Variants in PLXDC1 observed in about 807,000 individuals in gnomAD.
The protein encoded by PLXDC1 is plexin domain containing 1.
PLXDC1 carries 39 observed loss-of-function variants against 61.3 expected under a neutral mutation model. That is an observed-to-expected ratio of 0.64 (90% confidence interval 0.49 to 0.83). The LOEUF (loss-of-function observed/expected upper bound fraction) is 0.83, where lower values mean the gene tolerates loss of function less well. Among genes scored for constraint, PLXDC1 ranks in the 40% least tolerant of loss-of-function variants. The probability of loss-of-function intolerance (pLI) is 0.00; values close to 1 mark genes in which losing one functional copy is unlikely to be tolerated. For missense variants in PLXDC1, 596 were observed against 666.5 expected (o/e 0.89, Z 1.17); for synonymous variants, 212 against 254.5 (o/e 0.83, Z 1.59).
chr17:39,069,200 G>A (rs1179804868), intron 13 of PLXDC1, among the ~76,000 whole-genome samples: 1 of 152,094 alleles, frequency 6.6e-6, no homozygotes, highest in Non-Finnish European at 1.5e-5. Flanking sequence ...CAAACCACTG[G>A]GCTCAAGGGA....
At chr17:39,140,688 G>A (rs1285206485) in intron 1 of PLXDC1, among the ~76,000 whole-genome samples, 1 of 152,210 alleles carries the variant, frequency 6.6e-6, no homozygotes, top group East Asian at 1.9e-4. Context: ...CATTGCCGTT[G>A]AGCCTTCCAA....
Position 39,099,095 on chromosome 17 carries a change from C to G in PLXDC1, c.811+6759G>C, listed in dbSNP as rs116155804. On this transcript the variant is annotated intron_variant, in intron 7 of 13. Transcript: ENST00000315392. The stretch of plus-strand genomic sequence containing the variant: ...TCTGGGGGTCAGGTGCTGGCTTTCA[C>G]CTGGCAGGTAGACCCAACACCTCAG... Among the ~76,000 whole-genome samples, 620 of 152,140 alleles carry G rather than the reference C, an allele frequency of 4.1e-3. 5 individuals carry two copies. The highest frequency in any genetic ancestry group is 0.014 in the African/African-American group (574 of 41,470).
intron 1 of PLXDC1, among the ~76,000 whole-genome samples, chr17:39,143,235 C>T (rs1465594991): frequency 6.6e-6 from 1 of 152,198 alleles, no homozygotes; most frequent in Non-Finnish European, 1.5e-5. Flanking sequence ...CTAATGGTCA[C>T]ACCTACTATG....
At position 39,151,506 on chromosome 17, in the gene PLXDC1, C is replaced by G; in HGVS notation, c.-69G>C. ...CCTGACGAGGGAGGGGGCCCTGGCTCAGGCTGCGGCCGCGCGGTCCCCGGG... is the reference window on the plus strand; with the variant it reads ...CCTGACGAGGGAGGGGGCCCTGGCTGAGGCTGCGGCCGCGCGGTCCCCGGG... On this transcript the variant is annotated 5_prime_UTR_variant, in exon 1 of 14. Transcript: ENST00000315392. The surrounding 1 kb of genome is among the most constrained non-coding windows in gnomAD (Gnocchi z 5.2). 1 of 1,227,776 alleles carries G rather than the reference C, an allele frequency of 8.1e-7. No individual in the cohort carries two copies. The highest frequency in any genetic ancestry group is 3.0e-4 in the Middle Eastern group (1 of 3,332). 76.1% of individuals were successfully genotyped at this position (1,227,776 alleles called of 1,614,324 possible).
rs113083788 is a variant in PLXDC1, at chr17:39,076,091, GAA to G, written c.1186+1820_1186+1821del. Among the ~76,000 whole-genome samples the G allele has an allele frequency of 1.2e-3, 105 of 88,624 alleles. 1 individual carries two copies. Among genetic ancestry groups the G allele is most frequent in the Non-Finnish European group, 1.7e-3 (70 of 41,746 alleles). The allele number at this position is 88,624 out of a possible 152,430, so 58.1% of individuals were successfully genotyped here. On this transcript the variant is annotated intron_variant, in intron 11 of 13. Coordinates refer to ENST00000315392, the MANE Select transcript of PLXDC1 (RefSeq NM_020405.5). ...GGACTAAGTCTGAAAAAAAAAAAAAGAAAAAAAAAAAAAGAAAGAAAAAAGAA... is the reference window on the plus strand; with the variant it reads ...GGACTAAGTCTGAAAAAAAAAAAAAGAAAAAAAAAAAGAAAGAAAAAAGAA...
chr17:39,086,859 C>CAAAAAAAAAAAAAAAAAAAA (rs765774886), intron 8 of PLXDC1, among the ~76,000 whole-genome samples: 3 of 71,518 alleles, frequency 4.2e-5, no homozygotes, highest in African/African-American at 5.7e-5. Flanking sequence ...GAGACTGTCT[C>CAAAAAAAAAAAAAAAAAAAA]AAAAAAAAAA....
intron 12 of PLXDC1, among the ~76,000 whole-genome samples, chr17:39,071,186 CAG>C (rs1909102870): frequency 6.6e-6 from 1 of 152,164 alleles, no homozygotes; most frequent in Admixed American, 6.5e-5. Context: ...ATGGAAATAA[CAG>C]AGAGGTTAAG....
At position 39,141,340 on chromosome 17, in the gene PLXDC1, A is replaced by G. The variant is rs114731689; in HGVS notation, c.77-1508T>C. On this transcript the variant is annotated intron_variant, in intron 1 of 13. Transcript: ENST00000315392. The stretch of plus-strand genomic sequence containing the variant: ...GAGCCACAGCGCGCAGCCTGTATCT[A>G]TGATTTTGACTACTCTAAGTATCTC... 6.0e-3 allele frequency among the ~76,000 whole-genome samples: 920 copies of G among 152,332 alleles called. 14 individuals are homozygous for G. Among genetic ancestry groups the G allele is most frequent in the African/African-American group, 0.021 (867 of 41,570 alleles).
In PLXDC1 at chr17:39,107,172, G is replaced by C. The variant is rs75707994; in HGVS notation, c.711+235C>G. 2.8e-3 allele frequency among the ~76,000 whole-genome samples: 421 copies of C among 152,284 alleles called. 2 individuals carry two copies. The highest frequency in any genetic ancestry group is 9.9e-3 in the African/African-American group (411 of 41,560). On this transcript the variant is annotated intron_variant, in intron 6 of 13. Transcript: ENST00000315392. ...CTGTGAAAGGCTCAGCTAGCACCAGGCACCTCTACTTGGGAGCGCTTGTCA... is the reference window on the plus strand; with the variant it reads ...CTGTGAAAGGCTCAGCTAGCACCAGCCACCTCTACTTGGGAGCGCTTGTCA...
At chr17:39,086,251 A>G (rs910051987) in intron 8 of PLXDC1, among the ~76,000 whole-genome samples, 1 of 152,006 alleles carries the variant, frequency 6.6e-6, no homozygotes, top group Non-Finnish European at 1.5e-5. Flanking sequence ...CCCGATGGAG[A>G]GTGATAGGGT....
chr17:39,074,241 A>G (rs1909238247), intron 11 of PLXDC1, among the ~76,000 whole-genome samples: 2 of 152,108 alleles, frequency 1.3e-5, no homozygotes, highest in African/African-American at 2.4e-5. Context: ...ACCAGGCACA[A>G]TGGCATGTAC....
Position 39,120,255 on chromosome 17 carries a change from G to A in PLXDC1, c.256-10864C>T, listed in dbSNP as rs531736104. On this transcript the variant is annotated intron_variant, in intron 2 of 13. Coordinates refer to ENST00000315392, the MANE Select transcript of PLXDC1 (RefSeq NM_020405.5). ...CAACCTCTGCCTCCCAGGTTCAAGC[G>A]ACTCTCCTGCCTCAGCCTCCCAAGT... is the stretch of plus-strand genomic sequence containing the variant. Among the ~76,000 whole-genome samples, 6 of 152,138 alleles carry A rather than the reference G, an allele frequency of 3.9e-5. No individual in the cohort carries two copies. In the South Asian group the frequency reaches 6.2e-4, roughly 16 times the overall value.
intron 2 of PLXDC1, among the ~76,000 whole-genome samples, chr17:39,109,909 G>A (rs532447426): frequency 6.8e-4 from 103 of 152,190 alleles, no homozygotes; most frequent in Non-Finnish European, 1.3e-3. Context: ...TTGGGAGGCC[G>A]AGGCGGGCGG....
intron 2 of PLXDC1, among the ~76,000 whole-genome samples, chr17:39,122,205 C>A (rs1173409922): frequency 3.3e-5 from 5 of 150,814 alleles, no homozygotes. Flanking sequence ...GAGTTTGAGA[C>A]CAGCCGGGCC....
At chr17:39,088,977 A>AAAAG (rs71352342) in intron 7 of PLXDC1, among the ~76,000 whole-genome samples, 14 of 124,274 alleles carry the variant, frequency 1.1e-4, no homozygotes, top group African/African-American at 2.3e-4. Flanking sequence ...GAGAGAGAGA[A>AAAAG]AAAGAAAGAA....
At chr17:39,098,020 A>G (rs962783479) in intron 7 of PLXDC1, among the ~76,000 whole-genome samples, 1 of 151,768 alleles carries the variant, frequency 6.6e-6, no homozygotes, top group Non-Finnish European at 1.5e-5. Flanking sequence ...CCTGGCCAAC[A>G]TGGTGAAACC....
At chr17:39,134,247 C>A (rs1340708611) in intron 2 of PLXDC1, among the ~76,000 whole-genome samples, 1 of 150,280 alleles carries the variant, frequency 6.7e-6, no homozygotes, top group Admixed American at 6.6e-5. Flanking sequence ...GAGCAAGACT[C>A]CGTCTCAAAA....
In PLXDC1 at chr17:39,129,629, AAAAGAAAG is replaced by A. The variant is rs1221717406; in HGVS notation, c.255+10017_255+10024del. Among the ~76,000 whole-genome samples the A allele has an allele frequency of 4.9e-3, 561 of 114,322 alleles. 3 individuals carry two copies. The highest frequency in any genetic ancestry group is 0.019 in the African/African-American group (525 of 27,444). The allele number at this position is 114,322 out of a possible 152,430, so 75.0% of individuals were successfully genotyped here. On this transcript the variant is annotated intron_variant, in intron 2 of 13. Coordinates refer to ENST00000315392, the MANE Select transcript of PLXDC1 (RefSeq NM_020405.5). ...AAGACTCTGTCAGAAAGAAAGAAAG[AAAAGAAAG>A]AAAGAGAGAGAGAGAGAGAGAAAGA...
upstream of PLXDC1, chr17:39,152,812 G>A (rs1025938339): frequency 3.0e-6 from 2 of 674,542 alleles, no homozygotes; most frequent in Non-Finnish European, 4.2e-6. Flanking sequence ...AAACACCTAA[G>A]AAAGGAAACA....
Sources: allele counts gnomAD v4.1 joint callset (sites outside exome capture counted in the v4.1 genomes callset), GRCh38; gene constraint gnomAD v4.1.1; non-coding constraint Gnocchi (gnomAD v3.1); transcripts MANE v1.5; gene names NCBI Gene and HGNC (gene_info 2026-07-23, HGNC 2026-07-21).